The following LRRC7 variants were observed in gnomAD, a reference collection of about 807,000 sequenced individuals.
The protein encoded by LRRC7 is leucine rich repeat containing 7, also known as leucine-rich repeat-containing protein 7.
A neutral mutation model predicts 175.7 loss-of-function variants in LRRC7; 23 were observed. The ratio of observed to expected loss-of-function variants is 0.13; its 90% CI spans 0.09 to 0.19. LRRC7 has a LOEUF of 0.19. Among genes scored for constraint, LRRC7 ranks in the 10% least tolerant of loss-of-function variants. The probability of loss-of-function intolerance (pLI) is 1.00; values close to 1 mark genes in which losing one functional copy is unlikely to be tolerated. For synonymous variants in LRRC7, 685 were observed against 680.9 expected (o/e 1.01, Z -0.09); for missense variants, 1,354 against 1,904.7 (o/e 0.71, Z 5.38).
chr1:70,044,776 C>A (rs1238518011), intron 22 of LRRC7, among the ~76,000 whole-genome samples: 1 of 152,062 alleles, frequency 6.6e-6, no homozygotes, highest in East Asian at 1.9e-4. Context: ...TTAATTCAGC[C>A]AAAACTGAGA....
chr1:69,823,028 A>G (rs1044822639), intron 4 of LRRC7, among the ~76,000 whole-genome samples: 2 of 152,182 alleles, frequency 1.3e-5, no homozygotes, highest in African/African-American at 4.8e-5. Context: ...GAAGTTGGAT[A>G]TAGTTCTGTA....
chr1:70,029,564 T>G (rs536362223), intron 18 of LRRC7, among the ~76,000 whole-genome samples: 87 of 152,264 alleles, frequency 5.7e-4, no homozygotes, highest in Middle Eastern at 6.8e-3. Flanking sequence ...CTTTTTCCTT[T>G]CCAAAATATT....
chr1:69,598,662 G>C (rs1446340254), intron 1 of LRRC7, among the ~76,000 whole-genome samples: 1 of 152,092 alleles, frequency 6.6e-6, no homozygotes, highest in East Asian at 1.9e-4. Context: ...CAACTTCACA[G>C]AATAATGTTT....
rs907774682 is a variant in LRRC7 at position 69,683,042 on chromosome 1, A to G, written c.100+4564A>G. Among the ~76,000 whole-genome samples, 41 of 152,160 alleles carry G rather than the reference A, an allele frequency of 2.7e-4. 1 individual carries two copies. Among genetic ancestry groups the G allele is most frequent in the Non-Finnish European group, 4.4e-5 (3 of 68,020 alleles). ...CTCTGTTCATCCCAATGTGCACTTG[A>G]CACATTCTTGAATGTTTCAACAATG... On this transcript the variant is annotated intron_variant, in intron 2 of 26. Coordinates refer to ENST00000651989, the MANE Select transcript of LRRC7 (RefSeq NM_001370785.2).
chr1:69,926,028 A>T (rs1168993979), intron 7 of LRRC7, among the ~76,000 whole-genome samples: 2 of 151,966 alleles, frequency 1.3e-5, no homozygotes, highest in Non-Finnish European at 2.9e-5. Flanking sequence ...TTCAAAGAAC[A>T]TCTTTATTTC....
rs191827040 is a variant in LRRC7, at chr1:70,065,897, A to T, written c.4231-10180A>T. On this transcript the variant is annotated intron_variant, in intron 23 of 26. Transcript: ENST00000651989. ...TGCAAGGTACAACCACTCTGAGCTA[A>T]ATAGGATTTGAAGAAGCAAGGAGTT... is the stretch of plus-strand genomic sequence containing the variant. 5.9e-5 allele frequency among the ~76,000 whole-genome samples: 9 copies of T among 152,082 alleles called. No homozygotes were observed. In the East Asian group the frequency reaches 9.6e-4, roughly 16 times the overall value.
At position 69,794,373 on chromosome 1, in the gene LRRC7, C is replaced by T. The variant is rs114766980; in HGVS notation, c.421+2213C>T. On this transcript the variant is annotated intron_variant, in intron 4 of 26. Transcript: ENST00000651989. ...CTCTTTCTACACCAACTTGACTTGC[C>T]ACTTAGAGGGTTTTCAGCAAGACAA... Among the ~76,000 whole-genome samples the T allele has an allele frequency of 6.1e-3, 936 of 152,248 alleles. 15 individuals carry two copies. Among genetic ancestry groups the T allele is most frequent in the African/African-American group, 0.021 (876 of 41,542 alleles).
At chr1:70,014,890 C>A (rs1010132063) in intron 13 of LRRC7, among the ~76,000 whole-genome samples, 1 of 151,966 alleles carries the variant, frequency 6.6e-6, no homozygotes, top group Non-Finnish European at 1.5e-5. Context: ...CCTTTTCTAG[C>A]AGTTTCTTCA....
At chr1:69,984,382 T>C (rs1054262011) in intron 9 of LRRC7, among the ~76,000 whole-genome samples, 2 of 152,210 alleles carry the variant, frequency 1.3e-5, no homozygotes, top group Non-Finnish European at 2.9e-5. Context: ...AATAAATTTA[T>C]GTATTTATTG....
chr1:70,067,483 A>C (rs1371009040), intron 23 of LRRC7, among the ~76,000 whole-genome samples: 1 of 152,146 alleles, frequency 6.6e-6, no homozygotes, highest in South Asian at 2.1e-4. Context: ...TCATTAGTCT[A>C]TGTGTCTATC....
intron 7 of LRRC7, among the ~76,000 whole-genome samples, chr1:69,908,589 G>A (rs1268303876): frequency 6.6e-6 from 1 of 151,826 alleles, no homozygotes; most frequent in African/African-American, 2.4e-5. Flanking sequence ...GAGTTTGTTA[G>A]TCCTGAGTTC....
chr1:70,044,569 A>G (rs1380203052), intron 22 of LRRC7, among the ~76,000 whole-genome samples: 1 of 152,164 alleles, frequency 6.6e-6, no homozygotes, highest in Non-Finnish European at 1.5e-5. Flanking sequence ...GCTGGTACTT[A>G]TAAGTGCTTC....
At chr1:69,840,492 T>C (rs1570262849) in intron 7 of LRRC7, among the ~76,000 whole-genome samples, 2 of 152,192 alleles carry the variant, frequency 1.3e-5, no homozygotes, top group African/African-American at 4.8e-5. Flanking sequence ...TGTTAGTTAT[T>C]TTCTCTTCTT....
At chr1:69,790,974 A>G (rs1675040472) in intron 3 of LRRC7, among the ~76,000 whole-genome samples, 1 of 151,990 alleles carries the variant, frequency 6.6e-6, no homozygotes, top group African/African-American at 2.4e-5. Flanking sequence ...CATAACGACC[A>G]TGTGCTACAT....
intron 7 of LRRC7, among the ~76,000 whole-genome samples, chr1:69,912,678 T>TC: frequency 6.6e-6 from 1 of 152,156 alleles, no homozygotes; most frequent in African/African-American, 2.4e-5. Flanking sequence ...GCACAATAAT[T>TC]TTCAGTCAGT....
chr1:69,581,236 C>G (rs1413542822), intron 1 of LRRC7, among the ~76,000 whole-genome samples: 1 of 152,152 alleles, frequency 6.6e-6, no homozygotes, highest in Non-Finnish European at 1.5e-5. Flanking sequence ...ACTTGGGCTG[C>G]TATGTTTACA....
intron 2 of LRRC7, among the ~76,000 whole-genome samples, chr1:69,753,812 A>G (rs1670111672): frequency 6.6e-6 from 1 of 152,078 alleles, no homozygotes; most frequent in Admixed American, 6.6e-5. Context: ...GAGTAATTAA[A>G]ATATGATCAA....
chr1:69,829,322 T>C (rs1198431451), intron 5 of LRRC7, among the ~76,000 whole-genome samples: 1 of 151,904 alleles, frequency 6.6e-6, no homozygotes, highest in Non-Finnish European at 1.5e-5. Context: ...TCTATTGTTA[T>C]TCTATCTTTG....
intron 2 of LRRC7, among the ~76,000 whole-genome samples, chr1:69,736,378 T>A (rs745892577): frequency 1.1e-4 from 17 of 152,156 alleles, no homozygotes; most frequent in Non-Finnish European, 1.9e-4. Context: ...TTATAATTAC[T>A]GCTTTTCTAT....
Sources: allele counts gnomAD v4.1 joint callset (sites outside exome capture counted in the v4.1 genomes callset), GRCh38; gene constraint gnomAD v4.1.1; transcripts MANE v1.5; gene names NCBI Gene and HGNC (gene_info 2026-07-23, HGNC 2026-07-21).